The following CSNK1G3 variants were observed in gnomAD, a reference collection of about 807,000 sequenced individuals.
The protein encoded by CSNK1G3 is casein kinase I isoform gamma-3.
Under a neutral mutation model 64.3 loss-of-function variants are expected in CSNK1G3, and 23 were observed. That is an observed-to-expected ratio of 0.36 (90% CI 0.26 to 0.51). CSNK1G3 has a LOEUF of 0.51. CSNK1G3 is among the 20% of genes least tolerant of loss of function. CSNK1G3 has a pLI of 0.96. For missense variants in CSNK1G3, 357 were observed against 510.5 expected (o/e 0.70, Z 2.90); for synonymous variants, 158 against 162.2 (o/e 0.97, Z 0.20).
chr5:123,614,228 G>A, intron 12 of CSNK1G3, 114 bp from the exon 14 acceptor site: 1 of 907,402 alleles, frequency 1.1e-6, no homozygotes, highest in Non-Finnish European at 1.7e-6. Flanking sequence ...TGTAATCACT[G>A]TTTATCTTGC....
chr5:123,570,643 A>G (rs1260302500), intron 4 of CSNK1G3, among the ~76,000 whole-genome samples: 1 of 152,140 alleles, frequency 6.6e-6, no homozygotes, highest in Admixed American at 6.5e-5. Context: ...GGCATGAGCT[A>G]CCGCGCCCAG....
intron 12 of CSNK1G3, 94 bp downstream of exon 13, chr5:123,605,456 AAC>A (rs1276544478): frequency 3.1e-6 from 4 of 1,280,150 alleles, no homozygotes; most frequent in Non-Finnish European, 4.5e-6. Flanking sequence ...CAAAACTCTC[AAC>A]ACAGTGATTA....
Position 123,603,046 on chromosome 5 carries a change from C to G in CSNK1G3, c.1087-1678C>G, listed in dbSNP as rs1171098150. 9.9e-5 allele frequency among the ~76,000 whole-genome samples: 15 copies of G among 152,082 alleles called. 1 individual carries two copies. Among genetic ancestry groups the G allele is most frequent in the Non-Finnish European group, 1.5e-5 (1 of 68,002 alleles). ...TAAGTGGTAGAGCTAGGCTTTGAGT[C>G]TAGACCCATCTTACTCCAGAATGAT... On this transcript the variant is annotated intron_variant, in intron 10 of 12. Coordinates refer to ENST00000345990, the Ensembl canonical transcript of CSNK1G3.
intron 12 of CSNK1G3, 90 bp downstream of exon 13, chr5:123,605,452 T>A: frequency 2.3e-6 from 3 of 1,321,378 alleles, no homozygotes; most frequent in Admixed American, 3.8e-5. Context: ...AAAACAAAAC[T>A]CTCAACACAG....
intron 1 of CSNK1G3, among the ~76,000 whole-genome samples, chr5:123,517,584 G>A (rs574326619): frequency 6.6e-6 from 1 of 152,074 alleles, no homozygotes; most frequent in Non-Finnish European, 1.5e-5. Flanking sequence ...TATTTTTCAC[G>A]TTTGTAAAAT....
intron 6 of CSNK1G3, among the ~76,000 whole-genome samples, chr5:123,581,788 G>A (rs1790342187): frequency 6.6e-6 from 1 of 151,298 alleles, no homozygotes; most frequent in African/African-American, 2.4e-5. Flanking sequence ...GTTTTTTTTA[G>A]GGTAGTGCCA....
chr5:123,521,854 G>T (rs1334102881), intron 1 of CSNK1G3, among the ~76,000 whole-genome samples: 2 of 151,646 alleles, frequency 1.3e-5, no homozygotes, highest in Non-Finnish European at 2.9e-5. Flanking sequence ...AGTTTTCTTG[G>T]GAGCTTAAAA....
chr5:123,517,023 A>G (rs1043036924), intron 1 of CSNK1G3, among the ~76,000 whole-genome samples: 2 of 152,206 alleles, frequency 1.3e-5, no homozygotes, highest in African/African-American at 4.8e-5. Context: ...GCCAAGGACT[A>G]TGTGATGCCT....
At chr5:123,607,720 G>T (rs775177247) in intron 12 of CSNK1G3, among the ~76,000 whole-genome samples, 2 of 152,066 alleles carry the variant, frequency 1.3e-5, no homozygotes, top group Non-Finnish European at 2.9e-5. Flanking sequence ...AGTTTATAAC[G>T]TGAAAAATAT....
chr5:123,599,296 T>C (rs1388496843), intron 10 of CSNK1G3, among the ~76,000 whole-genome samples: 1 of 152,198 alleles, frequency 6.6e-6, no homozygotes, highest in Admixed American at 6.5e-5. Flanking sequence ...CAGTCTTTGG[T>C]TTGAATCTAA....
At chr5:123,599,892 T>A (rs1369877338) in intron 10 of CSNK1G3, among the ~76,000 whole-genome samples, 1 of 152,076 alleles carries the variant, frequency 6.6e-6, no homozygotes, top group African/African-American at 2.4e-5. Context: ...CAGTAACATC[T>A]CTGAAGACTG....
chr5:123,554,304 C>T (rs1303455736), intron 3 of CSNK1G3, among the ~76,000 whole-genome samples: 2 of 152,060 alleles, frequency 1.3e-5, no homozygotes, highest in African/African-American at 2.4e-5. Context: ...TGAAACAAAA[C>T]GTGATTAGGT....
intron 1 of CSNK1G3, among the ~76,000 whole-genome samples, chr5:123,524,425 C>T (rs1241251699): frequency 1.3e-5 from 2 of 152,216 alleles, no homozygotes; most frequent in African/African-American, 2.4e-5. Context: ...AGGCAGCCCT[C>T]TCTTTTACAT....
chr5:123,605,432 G>C, intron 12 of CSNK1G3, 70 bp downstream of exon 13: 1 of 1,542,318 alleles, frequency 6.5e-7, no homozygotes, highest in Non-Finnish European at 8.8e-7. Context: ...GCATCATTTT[G>C]TGTCTTTTGA....
intron 11 of CSNK1G3, 99 bp downstream of exon 12, chr5:123,604,929 A>C (rs557992964): frequency 1.1e-6 from 1 of 892,546 alleles, no homozygotes; most frequent in Non-Finnish European, 1.7e-6. Flanking sequence ...AATTTTTTTC[A>C]GGGAATAGGT....
chr5:123,552,017 A>G (rs1312033837), intron 2 of CSNK1G3, among the ~76,000 whole-genome samples: 1 of 152,158 alleles, frequency 6.6e-6, no homozygotes. Context: ...TTTCTAGATT[A>G]TTTTTGATTT....
intron 12 of CSNK1G3, among the ~76,000 whole-genome samples, chr5:123,606,649 G>A (rs887980111): frequency 2.0e-5 from 3 of 152,194 alleles, no homozygotes; most frequent in Admixed American, 6.6e-5. Context: ...TGCTGGTGAC[G>A]TTTCTCATCT....
chr5:123,570,744 C>T (rs147722689), intron 4 of CSNK1G3, among the ~76,000 whole-genome samples: 2 of 152,188 alleles, frequency 1.3e-5, no homozygotes, highest in African/African-American at 2.4e-5. Context: ...TTTCCATGCA[C>T]CCTGCATATC....
intron 4 of CSNK1G3, among the ~76,000 whole-genome samples, chr5:123,563,627 G>A (rs1786228777): frequency 6.6e-6 from 1 of 151,878 alleles, no homozygotes; most frequent in African/African-American, 2.4e-5. Flanking sequence ...AAGTATTATG[G>A]GTAATAGTAT....
Sources: allele counts gnomAD v4.1 joint callset (sites outside exome capture counted in the v4.1 genomes callset), GRCh38; gene constraint gnomAD v4.1.1; transcripts MANE v1.5; gene names NCBI Gene and HGNC (gene_info 2026-07-23, HGNC 2026-07-21).